Variants in EYS observed in about 807,000 individuals in gnomAD.
EYS encodes EGF-like photoreceptor maintenance factor, also known as protein eyes shut homolog.
EYS carries 250 observed loss-of-function variants against 282.1 expected under a neutral mutation model. That is an observed-to-expected ratio of 0.89 (90% CI 0.80 to 0.98). EYS has a LOEUF of 0.98. Ranked by LOEUF, EYS falls within the 50% of genes least tolerant of loss-of-function variation. The pLI is 0.00. For synonymous variants in EYS, 1,355 were observed against 1,282.9 expected (o/e 1.06, Z -1.20); for missense variants, 4,016 against 3,709.0 (o/e 1.08, Z -2.15).
chr6:65,003,962 A>G (rs1418910005), intron 13 of EYS, among the ~76,000 whole-genome samples: 2 of 147,200 alleles, frequency 1.4e-5, no homozygotes, highest in East Asian at 4.3e-4. Flanking sequence ...GTTCTTCCAC[A>G]GAAAAATCCA....
At chr6:65,636,984 T>A (rs1767110093) in intron 2 of EYS, among the ~76,000 whole-genome samples, 1 of 152,040 alleles carries the variant, frequency 6.6e-6, no homozygotes, top group South Asian at 2.1e-4. Flanking sequence ...GATATGTTGT[T>A]TTTTTAAAAA....
At chr6:65,299,322 T>A (rs1768750752) in intron 11 of EYS, among the ~76,000 whole-genome samples, 1 of 152,072 alleles carries the variant, frequency 6.6e-6, no homozygotes, top group Non-Finnish European at 1.5e-5. Context: ...AAATAACATA[T>A]TTTTAACACT....
rs188031834 is a variant in EYS at position 65,695,887 on chromosome 6, G to T, written c.-448+11248C>A. ...TTCAAACACATACAGAAACATACAT[G>T]GTTCTGTATTTATAGTGTTAAGAAA... is the stretch of plus-strand genomic sequence containing the variant. On this transcript the variant is annotated intron_variant, in intron 1 of 42. Transcript: ENST00000503581. Among the ~76,000 whole-genome samples, 855 of 151,892 alleles carry T rather than the reference G, an allele frequency of 5.6e-3. 9 individuals are homozygous for T. Among genetic ancestry groups the T allele is most frequent in the African/African-American group, 0.019 (803 of 41,452 alleles).
chr6:63,878,094 C>G (rs528366022), intron 35 of EYS, among the ~76,000 whole-genome samples: 13 of 152,170 alleles, frequency 8.5e-5, no homozygotes, highest in Non-Finnish European at 1.5e-4. Flanking sequence ...TGGTTTCTCC[C>G]TATCTTTGTG....
At chr6:63,935,416 C>T (rs1041732377) in intron 35 of EYS, among the ~76,000 whole-genome samples, 1 of 152,168 alleles carries the variant, frequency 6.6e-6, no homozygotes, top group African/African-American at 2.4e-5. Flanking sequence ...TCCTAACACC[C>T]AGTATCTCAC....
At chr6:64,752,751 C>T (rs1018689976) in intron 22 of EYS, among the ~76,000 whole-genome samples, 2 of 152,046 alleles carry the variant, frequency 1.3e-5, no homozygotes, top group Admixed American at 6.6e-5. Flanking sequence ...CTAAAAGCAG[C>T]AAGAGTAAAG....
rs958766162 is a variant in EYS at position 65,330,188 on chromosome 6, T to C, written c.1766+4792A>G. ...AGTGTATAATCTTACCTATGTATAGTACATTACCTGGGGACAGGTATCATG... is the reference window on the plus strand; with the variant it reads ...AGTGTATAATCTTACCTATGTATAGCACATTACCTGGGGACAGGTATCATG... On this transcript the variant is annotated intron_variant, in intron 11 of 42. Coordinates refer to ENST00000503581, the MANE Select transcript of EYS (RefSeq NM_001142800.2). 24 of 976,304 alleles carry C rather than the reference T, an allele frequency of 2.5e-5. No individual in the cohort carries two copies. In the South Asian group the frequency reaches 9.0e-4, roughly 37 times the overall value. 60.5% of individuals were successfully genotyped at this position (976,304 alleles called of 1,614,324 possible). A position where few individuals can be genotyped will look rare whatever the true frequency, so the allele number is the denominator to read the frequency against.
intron 2 of EYS, among the ~76,000 whole-genome samples, chr6:65,521,635 G>A (rs1468014935): frequency 3.9e-5 from 6 of 152,124 alleles, no homozygotes; most frequent in African/African-American, 7.2e-5. Flanking sequence ...ATTTGAATAA[G>A]GTTTCTTATG....
At chr6:64,474,184 T>C (rs1776200227) in intron 26 of EYS, among the ~76,000 whole-genome samples, 1 of 152,172 alleles carries the variant, frequency 6.6e-6, no homozygotes, top group Non-Finnish European at 1.5e-5. Flanking sequence ...TCCACTGTAG[T>C]GAGCTATAAT....
chr6:65,128,008 A>G (rs1775768703), intron 12 of EYS, among the ~76,000 whole-genome samples: 1 of 152,044 alleles, frequency 6.6e-6, no homozygotes, highest in African/African-American at 2.4e-5. Flanking sequence ...AAAGATCCCA[A>G]AATGGAAGCA....
intron 31 of EYS, 142 bp downstream of exon 31, chr6:64,230,450 A>C (rs971203558): frequency 3.0e-5 from 15 of 499,958 alleles, no homozygotes; most frequent in Non-Finnish European, 3.5e-6. Context: ...ATTCGATCAG[A>C]ATTCATTTTT....
chr6:64,221,126 T>C lies in EYS; in HGVS notation c.6424+9466A>G, dbSNP rs571898447. Among the ~76,000 whole-genome samples the C allele has an allele frequency of 2.4e-4, 37 of 152,310 alleles. No homozygotes were observed. The South Asian group carries it at 7.5e-3, about 31-fold the overall frequency. ...TGAAAAGAGTTTAGGACAGTGTGTA[T>C]GTACCAATTGTACAATGGTAAATAT... On this transcript the variant is annotated intron_variant, in intron 31 of 42. Coordinates refer to ENST00000503581, the MANE Select transcript of EYS (RefSeq NM_001142800.2).
chr6:65,463,775 G>A (rs1351971715), intron 5 of EYS, among the ~76,000 whole-genome samples: 1 of 152,040 alleles, frequency 6.6e-6, no homozygotes, highest in South Asian at 2.1e-4. Flanking sequence ...TATACTTCAA[G>A]TTCCCTCTTG....
rs1253451733 is a variant in EYS at position 64,254,773 on chromosome 6, G to A, written c.6192-23949C>T. Among the ~76,000 whole-genome samples the A allele has an allele frequency of 2.6e-5, 4 of 152,054 alleles. 1 individual carries two copies. The highest frequency in any genetic ancestry group is 9.7e-5 in the African/African-American group (4 of 41,424). Reference sequence around the variant, plus strand: ...CCTGTTTGCATTATTGTAACATGATGTGCATCTGTTTCCTGTTTGGATCCT... The same window carrying A: ...CCTGTTTGCATTATTGTAACATGATATGCATCTGTTTCCTGTTTGGATCCT... On this transcript the variant is annotated intron_variant, in intron 30 of 42. Transcript: ENST00000503581.
At chr6:65,182,863 A>G (rs1375066309) in intron 12 of EYS, among the ~76,000 whole-genome samples, 3 of 151,972 alleles carry the variant, frequency 2.0e-5, no homozygotes, top group African/African-American at 7.2e-5. Context: ...ATCTTGACTC[A>G]CCGCATCCTT....
At chr6:64,935,416 T>C (rs970420701) in intron 15 of EYS, among the ~76,000 whole-genome samples, 3 of 151,780 alleles carry the variant, frequency 2.0e-5, no homozygotes, top group Non-Finnish European at 4.4e-5. Context: ...TTATACTTTG[T>C]ATTCAATAGT....
At chr6:65,391,807 T>C in intron 7 of EYS, among the ~76,000 whole-genome samples, 1 of 144,026 alleles carries the variant, frequency 6.9e-6, no homozygotes, top group East Asian at 2.1e-4. Flanking sequence ...CTTTACAGAA[T>C]TGGAAAAAAC....
At chr6:65,169,840 C>T (rs1048236848) in intron 12 of EYS, among the ~76,000 whole-genome samples, 6 of 151,530 alleles carry the variant, frequency 4.0e-5, no homozygotes, top group South Asian at 4.2e-4. Context: ...AATTGTTACA[C>T]TAAACAGTTG....
chr6:63,780,649 C>T (rs1462459753), intron 39 of EYS, among the ~76,000 whole-genome samples: 2 of 152,058 alleles, frequency 1.3e-5, no homozygotes, highest in Non-Finnish European at 2.9e-5. Context: ...TGGATATTAG[C>T]CTTTTGTCAG....
Sources: gnomAD v4.1 joint callset for allele counts (sites outside exome capture counted in the v4.1 genomes callset) on GRCh38, gnomAD v4.1.1 for gene constraint, MANE v1.5 for transcripts, NCBI Gene and HGNC (gene_info 2026-07-23, HGNC 2026-07-21) for gene names.